Variants in PCDHGA3 observed in about 807,000 individuals in gnomAD.
PCDHGA3 encodes protocadherin gamma subfamily A, 3, also known as protocadherin gamma-A3.
A neutral mutation model predicts 58.5 loss-of-function variants in PCDHGA3; 40 were observed. The observed-to-expected ratio is 0.68, with a 90% CI of 0.53 to 0.89. The LOEUF is 0.89. Among genes scored for constraint, PCDHGA3 ranks in the 40% least tolerant of loss-of-function variants. PCDHGA3 has a pLI of 0.00. For missense variants in PCDHGA3, 1,223 were observed against 1,195.9 expected (o/e 1.02, Z -0.33); for synonymous variants, 530 against 525.7 (o/e 1.01, Z -0.11).
intron 1 of PCDHGA3, chr5:141,414,273 G>A: frequency 6.2e-7 from 1 of 1,613,418 alleles, no homozygotes; most frequent in Non-Finnish European, 8.5e-7. Flanking sequence ...ATTCACCTCT[G>A]GGAACAGTCG....
rs186292704 is a variant in PCDHGA3 at position 141,490,783 on chromosome 5, C to T, written c.2425-4024C>T. ...TGTGTATGTCAACCCAGAGGATGGA[C>T]GGATCTTTGCCCAGCGTACCTTTGA... On this transcript the variant is annotated intron_variant, in intron 1 of 3. Transcript: ENST00000253812. The surrounding 1 kb of genome is among the most constrained non-coding windows in gnomAD (Gnocchi z 5.4). The T allele has an allele frequency of 8.1e-6, 13 of 1,614,024 alleles. 1 individual carries two copies. Among genetic ancestry groups the T allele is most frequent in the Middle Eastern group, 3.3e-4 (2 of 6,062 alleles).
chr5:141,388,336 G>C, intron 1 of PCDHGA3: 2 of 1,613,966 alleles, frequency 1.2e-6, no homozygotes, highest in South Asian at 1.1e-5. Context: ...CCTGGCACAC[G>C]ATTTATATTA....
chr5:141,350,950 G>C (rs781241590), intron 1 of PCDHGA3: 1 of 1,613,932 alleles, frequency 6.2e-7, no homozygotes, highest in Non-Finnish European at 8.5e-7. Flanking sequence ...TCCGAGTTAC[G>C]GATGCCAATG....
At chr5:141,395,558 G>T (rs60237573) in intron 1 of PCDHGA3, 12 of 127,934 alleles carry the variant, frequency 9.4e-5, no homozygotes, top group African/African-American at 5.1e-4. Context: ...GTGTGTGTGT[G>T]TGTGTGTGTG....
chr5:141,431,206 G>A lies in PCDHGA3; in HGVS notation c.2425-63601G>A, dbSNP rs17097300. On this transcript the variant is annotated intron_variant, in intron 1 of 3. Coordinates refer to ENST00000253812, the MANE Select transcript of PCDHGA3 (RefSeq NM_018916.4). The surrounding 1 kb of genome is among the most constrained non-coding windows in gnomAD (Gnocchi z 4.8). ...AAATTAGTGAAAATGCAGCCACTGA[G>A]ATGCGGTTCCCTCTACCCCACGCCT... The A allele has an allele frequency of 0.041, 66,767 of 1,614,172 alleles. 3,763 individuals carry two copies. Among genetic ancestry groups the A allele is most frequent in the Admixed American group, 0.27 (16,026 of 60,028 alleles).
At chr5:141,460,580 G>A (rs1037056676) in intron 1 of PCDHGA3, among the ~76,000 whole-genome samples, 7 of 152,160 alleles carry the variant, frequency 4.6e-5, no homozygotes, top group African/African-American at 1.4e-4. Flanking sequence ...ATGTAGGTGT[G>A]GGTTTTTTCT....
At chr5:141,360,109 G>A (rs1218338018) in intron 1 of PCDHGA3, 1 of 1,561,628 alleles carries the variant, frequency 6.4e-7, no homozygotes, top group African/African-American at 1.4e-5. Flanking sequence ...TTCCTCCTAT[G>A]GGCAAAGGAG....
chr5:141,404,764 C>A lies in PCDHGA3; in HGVS notation c.2424+58307C>A, dbSNP rs371618979. 152 of 1,613,920 alleles carry A rather than the reference C, an allele frequency of 9.4e-5. 1 individual carries two copies. In the African/African-American group the frequency reaches 1.6e-3, roughly 17 times the overall value. ...GAGACTCAGGCCAGAATGCTTGGCT[C>A]TCCTACCGCCTATTCAAGGCCAGTG... On this transcript the variant is annotated intron_variant, in intron 1 of 3. Coordinates refer to ENST00000253812, the MANE Select transcript of PCDHGA3 (RefSeq NM_018916.4).
In PCDHGA3 at chr5:141,485,178, T is replaced by A; in HGVS notation, c.2425-9629T>A. The stretch of plus-strand genomic sequence containing the variant: ...GAGAATTAGCGGGCGGCAGCAATGC[T>A]CCGCAAGGTGAGAAGCTGGACAGAA... On this transcript the variant is annotated intron_variant, in intron 1 of 3. Transcript: ENST00000253812. This position sits in a 1 kb window ranked among gnomAD's most constrained non-coding sequence, Gnocchi z 5.7. 1.2e-6 allele frequency: 2 copies of A among 1,612,400 alleles called. No homozygotes were observed. Among genetic ancestry groups the A allele is most frequent in the Non-Finnish European group, 1.7e-6 (2 of 1,178,628 alleles).
chr5:141,428,124 C>T, intron 1 of PCDHGA3: 1 of 1,605,400 alleles, frequency 6.2e-7, no homozygotes, highest in South Asian at 1.1e-5. Context: ...CGAGCCCGGG[C>T]TTTTCAGCCT....
intron 1 of PCDHGA3, among the ~76,000 whole-genome samples, chr5:141,443,202 C>T (rs546748238): frequency 2.6e-5 from 4 of 152,172 alleles, no homozygotes; most frequent in Non-Finnish European, 1.5e-5. Flanking sequence ...GTACAAAGAG[C>T]TTGTCTCGCC....
intron 1 of PCDHGA3, chr5:141,352,514 A>T (rs752533199): frequency 3.7e-6 from 6 of 1,613,842 alleles, no homozygotes; most frequent in Non-Finnish European, 5.1e-6. Flanking sequence ...CAATCTATGT[A>T]TTGCCTCTCA....
chr5:141,389,789 C>T (rs1437335316), intron 1 of PCDHGA3: 6 of 1,613,328 alleles, frequency 3.7e-6, no homozygotes, highest in Admixed American at 3.3e-5. Flanking sequence ...ACAGGGACGC[C>T]GTCCGCCAGC....
chr5:141,434,194 G>A (rs913533813), intron 1 of PCDHGA3, among the ~76,000 whole-genome samples: 7 of 152,190 alleles, frequency 4.6e-5, no homozygotes, highest in African/African-American at 4.8e-5. Flanking sequence ...TAATTCCAAT[G>A]TACTTACTTC....
At chr5:141,350,245 G>A in intron 1 of PCDHGA3, 1 of 1,505,130 alleles carries the variant, frequency 6.6e-7, no homozygotes, top group South Asian at 1.4e-5. Flanking sequence ...AAGAAGCTCC[G>A]CGGAGAGTTC....
At chr5:141,408,962 A>G (rs1561716536) in intron 1 of PCDHGA3, 3 of 1,613,638 alleles carry the variant, frequency 1.9e-6, no homozygotes, top group Admixed American at 3.3e-5. Flanking sequence ...TCTTAGTGAA[A>G]ATCTGCCCCC....
chr5:141,442,153 C>T, intron 1 of PCDHGA3: 1 of 158,698 alleles, frequency 6.3e-6, no homozygotes, highest in Non-Finnish European at 1.4e-5. Flanking sequence ...CAGACCTCAG[C>T]GATCACTCTG....
rs1300601208 is a variant in PCDHGA3 at position 141,499,206 on chromosome 5, AC to A, written c.2483+4344del. On this transcript the variant is annotated intron_variant, in intron 2 of 3. Transcript: ENST00000253812. ...ACCATTTCCCCCTTCTTAGGCTGTA[AC>A]CCAGGCCCTGCCCTGCAGCTGTCCC... Among the ~76,000 whole-genome samples the A allele has an allele frequency of 3.3e-5, 5 of 152,062 alleles. No homozygotes were observed. In the East Asian group the frequency reaches 7.7e-4, roughly 24 times the overall value.
At chr5:141,349,001 AT>A (rs938414585) in intron 1 of PCDHGA3, among the ~76,000 whole-genome samples, 5 of 152,166 alleles carry the variant, frequency 3.3e-5, no homozygotes, top group Non-Finnish European at 7.3e-5. Context: ...CCTCTCCAAT[AT>A]TTACCAGTGG....
Sources: allele counts gnomAD v4.1 joint callset (sites outside exome capture counted in the v4.1 genomes callset), GRCh38; gene constraint gnomAD v4.1.1; non-coding constraint Gnocchi (gnomAD v3.1); transcripts MANE v1.5; gene names NCBI Gene and HGNC (gene_info 2026-07-23, HGNC 2026-07-21).